CAST: variants seen among roughly 807,000 people sequenced by gnomAD.
CAST encodes the protein MIR583 host.
Under a neutral mutation model 119.6 loss-of-function variants are expected in CAST, and 76 were observed. The observed-to-expected ratio is 0.64, with a 90% CI of 0.53 to 0.77. CAST has a LOEUF of 0.77. Among genes scored for constraint, CAST ranks in the 30% least tolerant of loss-of-function variants. The pLI, the probability that CAST is intolerant of heterozygous loss-of-function variation, is 0.00. For synonymous variants in CAST, 319 were observed against 331.6 expected (o/e 0.96, Z 0.41); for missense variants, 953 against 946.5 (o/e 1.01, Z -0.09).
the CAST span, among the ~76,000 whole-genome samples, chr5:96,027,045 T>TA: frequency 2.0e-5 from 3 of 152,000 alleles, no homozygotes; most frequent in East Asian, 1.9e-4. Flanking sequence ...ACCCTGTCTC[T>TA]AAAAAAACCA....
Position 96,556,736 on chromosome 5 carries a change from GT to G in CAST, c.60+26857del, listed in dbSNP as rs1580823027. ...AAAAGACCAAATCTACATCTGACTG[GT>G]GTACCTGAAAGTGATGGGGAGAATG... On this transcript the variant is annotated intron_variant, in intron 1 of 11. Coordinates refer to the CAST transcript ENST00000505143. 7.9e-5 allele frequency among the ~76,000 whole-genome samples: 12 copies of G among 152,328 alleles called. No individual in the cohort carries two copies. The East Asian group carries it at 2.3e-3, about 29-fold the overall frequency.
chr5:96,322,033 T>C, the CAST span, among the ~76,000 whole-genome samples: 2 of 152,224 alleles, frequency 1.3e-5, no homozygotes, highest in African/African-American at 2.4e-5. Context: ...TACAATCCTT[T>C]CAAACTGTCT....
At chr5:96,733,601 A>C (rs936437039) in intron 9 of CAST, among the ~76,000 whole-genome samples, 1 of 152,216 alleles carries the variant, frequency 6.6e-6, no homozygotes, top group African/African-American at 2.4e-5. Flanking sequence ...GGATTTAATG[A>C]CTTGCCTTCT....
the CAST span, among the ~76,000 whole-genome samples, chr5:96,138,694 G>C: frequency 6.6e-6 from 1 of 151,692 alleles, no homozygotes; most frequent in South Asian, 2.1e-4. Context: ...ATATACATAA[G>C]TATTTTATTT....
chr5:96,228,367 A>T, the CAST span, among the ~76,000 whole-genome samples: 2 of 152,198 alleles, frequency 1.3e-5, no homozygotes, highest in African/African-American at 4.8e-5. Flanking sequence ...TAATCTGCCC[A>T]AGTTTATAAA....
At chr5:96,653,064 A>G (rs1285895185) in intron 1 of CAST, among the ~76,000 whole-genome samples, 1 of 152,230 alleles carries the variant, frequency 6.6e-6, no homozygotes, top group Non-Finnish European at 1.5e-5. Flanking sequence ...TATCTCCCAA[A>G]TTAATGGCAG....
At chr5:96,411,189 A>G in the CAST span, among the ~76,000 whole-genome samples, 2 of 152,234 alleles carry the variant, frequency 1.3e-5, no homozygotes, top group Non-Finnish European at 1.5e-5. Context: ...TGGCCCTGCC[A>G]GTCTCTGGGC....
chr5:96,005,505 G>T, the CAST span, among the ~76,000 whole-genome samples: 1 of 152,160 alleles, frequency 6.6e-6, no homozygotes, highest in Non-Finnish European at 1.5e-5. Flanking sequence ...TTTAGAAACA[G>T]AGAAGTAACT....
the CAST span, chr5:96,391,633 A>T: frequency 6.6e-6 from 1 of 152,218 alleles, no homozygotes; most frequent in South Asian, 2.1e-4. Flanking sequence ...TCAAATGCCT[A>T]TTGGATACTG....
At chr5:96,516,937 A>C in the CAST span, among the ~76,000 whole-genome samples, 7 of 152,166 alleles carry the variant, frequency 4.6e-5, no homozygotes, top group African/African-American at 1.7e-4. Flanking sequence ...CATGACGAAG[A>C]TGAGGATGGA....
the CAST span, among the ~76,000 whole-genome samples, chr5:96,508,430 A>G: frequency 6.6e-6 from 1 of 152,162 alleles, no homozygotes; most frequent in African/African-American, 2.4e-5. Context: ...CTACGATTAT[A>G]ATAGGAGTAG....
chr5:96,107,490 T>C, the CAST span, among the ~76,000 whole-genome samples: 1 of 152,136 alleles, frequency 6.6e-6, no homozygotes, highest in South Asian at 2.1e-4. Context: ...TGAAGCTTAG[T>C]TTGGCTGGAT....
chr5:96,225,443 C>CT, the CAST span, among the ~76,000 whole-genome samples: 2 of 152,042 alleles, frequency 1.3e-5, no homozygotes. Flanking sequence ...GCAATTTATA[C>CT]TTTAAAAACA....
the CAST span, among the ~76,000 whole-genome samples, chr5:96,275,268 G>T: frequency 7.5e-3 from 1,136 of 152,200 alleles, 14 homozygotes; most frequent in African/African-American, 0.026. Flanking sequence ...TTTCTTTAAA[G>T]TTTCATTAAA....
At chr5:96,101,367 G>A in the CAST span, among the ~76,000 whole-genome samples, 1 of 152,188 alleles carries the variant, frequency 6.6e-6, no homozygotes, top group Non-Finnish European at 1.5e-5. Flanking sequence ...CAACACATGT[G>A]AGATATGTAG....
At chr5:95,961,526 G>C in the CAST span, 9 of 1,489,016 alleles carry the variant, frequency 6.0e-6, no homozygotes, top group East Asian at 2.6e-4. Context: ...CAGGCCGTGA[G>C]GGGTGCGCTC....
chr5:96,162,383 C>T, the CAST span, among the ~76,000 whole-genome samples: 1 of 152,116 alleles, frequency 6.6e-6, no homozygotes, highest in Non-Finnish European at 1.5e-5. Flanking sequence ...GATTTTTCTA[C>T]TTCATTCTAC....
the CAST span, among the ~76,000 whole-genome samples, chr5:96,297,302 C>T: frequency 1.3e-5 from 2 of 152,144 alleles, no homozygotes; most frequent in Non-Finnish European, 2.9e-5. Flanking sequence ...TTTATTCAAA[C>T]GAATAATTTG....
At chr5:96,379,272 T>C in the CAST span, among the ~76,000 whole-genome samples, 1 of 152,222 alleles carries the variant, frequency 6.6e-6, no homozygotes, top group Admixed American at 6.5e-5. Context: ...AAAGCAGGTA[T>C]TGCATTAAAA....
Sources: gnomAD v4.1 joint callset for allele counts (sites outside exome capture counted in the v4.1 genomes callset) on GRCh38, gnomAD v4.1.1 for gene constraint, MANE v1.5 for transcripts, NCBI Gene and HGNC (gene_info 2026-07-23, HGNC 2026-07-21) for gene names.